Variants in RASSF5 observed in about 807,000 individuals in gnomAD.
RASSF5 encodes ras association domain-containing protein 5.
A neutral mutation model predicts 40.5 loss-of-function variants in RASSF5; 25 were observed. That is an observed-to-expected ratio of 0.62 (90% CI 0.45 to 0.86). RASSF5 has a LOEUF of 0.86. Among genes scored for constraint, RASSF5 ranks in the 40% least tolerant of loss-of-function variants. RASSF5 has a pLI of 0.00. For missense variants in RASSF5, 521 were observed against 572.8 expected (o/e 0.91, Z 0.92); for synonymous variants, 246 against 252.4 (o/e 0.97, Z 0.24).
At chr1:206,523,687 A>G (rs1165484957) in intron 1 of RASSF5, among the ~76,000 whole-genome samples, 1 of 82,966 alleles carries the variant, frequency 1.2e-5, no homozygotes, top group Non-Finnish European at 2.1e-5. Flanking sequence ...ATATAAATAT[A>G]TTATATATAA....
intron 2 of RASSF5, chr1:206,580,610 G>A (rs1668833953): frequency 6.6e-6 from 1 of 152,240 alleles, no homozygotes; most frequent in Non-Finnish European, 1.5e-5. Context: ...GAAAATGAGA[G>A]GCTTCACTGT....
At chr1:206,578,690 G>A (rs1455467073) in intron 2 of RASSF5, among the ~76,000 whole-genome samples, 4 of 152,126 alleles carry the variant, frequency 2.6e-5, no homozygotes, top group African/African-American at 9.7e-5. Flanking sequence ...TACTGCCGGT[G>A]GGACACACGT....
Position 206,507,636 on chromosome 1 carries a change from C to T in RASSF5, c.34C>T (p.Pro12Ser), listed in dbSNP as rs1553393920. ...AMASPAIGQRPYPLLLDPEPP... is the reference protein window; with the variant it reads ...AMASPAIGQRSYPLLLDPEPP... ...GGCGTCCCCGGCCATCGGGCAGCGCCCGTACCCGCTACTATTGGACCCCGA... is the reference window on the plus strand; with the variant it reads ...GGCGTCCCCGGCCATCGGGCAGCGCTCGTACCCGCTACTATTGGACCCCGA... Residue 12 changes from proline (P) to serine (S), a missense_variant, in exon 1 of 6, where the codon CCG becomes TCG. By Grantham distance (74) the Pro-to-Ser change is moderately conservative. Coordinates refer to ENST00000579436, the MANE Select transcript of RASSF5 (RefSeq NM_182663.4). 3.3e-6 allele frequency: 5 copies of T among 1,531,628 alleles called. No homozygotes were observed. In the South Asian group the frequency reaches 6.0e-5, roughly 18 times the overall value. The allele number at this position is 1,531,628 out of a possible 1,614,324, so 94.9% of individuals were successfully genotyped here. A position where few individuals can be genotyped will look rare whatever the true frequency, so the allele number is the denominator to read the frequency against.
intron 2 of RASSF5, among the ~76,000 whole-genome samples, chr1:206,562,793 C>T (rs1330676116): frequency 2.0e-5 from 3 of 151,996 alleles, no homozygotes; most frequent in African/African-American, 7.3e-5. Flanking sequence ...ATTAGCCAGG[C>T]GTGGTGGCAG....
At chr1:206,566,070 G>A (rs1274546390) in intron 2 of RASSF5, among the ~76,000 whole-genome samples, 1 of 152,196 alleles carries the variant, frequency 6.6e-6, no homozygotes, top group African/African-American at 2.4e-5. Flanking sequence ...AGGCAGCAGA[G>A]TGTTCATGCC....
At chr1:206,523,621 A>ATATATAAAATATATTATATATAATATATT (rs1666981342) in intron 1 of RASSF5, among the ~76,000 whole-genome samples, 1 of 102,792 alleles carries the variant, frequency 9.7e-6, no homozygotes, top group Non-Finnish European at 1.8e-5. Flanking sequence ...TATATATAAA[A>ATATATAAAATATATTATATATAATATATT]TATATAAAAT....
chr1:206,549,785 G>T (rs1489584943), intron 2 of RASSF5, among the ~76,000 whole-genome samples: 2 of 152,194 alleles, frequency 1.3e-5, no homozygotes, highest in African/African-American at 4.8e-5. Flanking sequence ...TCTACTCAGT[G>T]CCTAATAAAT....
chr1:206,564,308 G>T lies in RASSF5; in HGVS notation c.580-18961G>T, dbSNP rs76720927. 9.1e-3 allele frequency among the ~76,000 whole-genome samples: 1,381 copies of T among 152,160 alleles called. 16 individuals are homozygous for T. The highest frequency in any genetic ancestry group is 0.032 in the African/African-American group (1,314 of 41,492). The stretch of plus-strand genomic sequence containing the variant: ...CCTGGAACTCACCCAAGACATCCTT[G>T]TTCACACGCCGCTTAGTCCAGGCCA... On this transcript the variant is annotated intron_variant, in intron 2 of 5. Coordinates refer to ENST00000579436, the MANE Select transcript of RASSF5 (RefSeq NM_182663.4).
In RASSF5 at chr1:206,530,709, G is replaced by A. The variant is rs569089222; in HGVS notation, c.458-7463G>A. Among the ~76,000 whole-genome samples the A allele has an allele frequency of 8.5e-5, 13 of 152,382 alleles. No individual in the cohort carries two copies. In the South Asian group the frequency reaches 2.7e-3, roughly 32 times the overall value. ...GGGATGTTCCAGGGGGCCGGCAGAG[G>A]CTTCTCTGCCAAGTGGGGCAGGGTT... On this transcript the variant is annotated intron_variant, in intron 1 of 5. Transcript: ENST00000579436.
intron 2 of RASSF5, among the ~76,000 whole-genome samples, chr1:206,561,746 A>G (rs1475582167): frequency 6.8e-6 from 1 of 147,222 alleles, no homozygotes; most frequent in Non-Finnish European, 1.5e-5. Flanking sequence ...GCTCACTGCA[A>G]CCTCTGCCTC....
chr1:206,530,392 A>G (rs533290248), intron 1 of RASSF5, among the ~76,000 whole-genome samples: 3 of 152,314 alleles, frequency 2.0e-5, no homozygotes, highest in African/African-American at 7.2e-5. Flanking sequence ...AAATATAATT[A>G]TAACTAGTCT....
rs1558503523 is a variant in RASSF5, at chr1:206,535,720, GT to G, written c.458-2451del. Among the ~76,000 whole-genome samples, 55 of 66,360 alleles carry G rather than the reference GT, an allele frequency of 8.3e-4. No individual in the cohort carries two copies. The highest frequency in any genetic ancestry group is 1.9e-3 in the East Asian group (6 of 3,094). 43.5% of individuals were successfully genotyped at this position (66,360 alleles called of 152,430 possible). The stretch of plus-strand genomic sequence containing the variant: ...GTGTGTGTCTGTGTGTGTGTGGTGT[GT>G]GTGTGTGTGTGTGTGTGTGTGTGAG... On this transcript the variant is annotated intron_variant, in intron 1 of 5. Coordinates refer to ENST00000579436, the MANE Select transcript of RASSF5 (RefSeq NM_182663.4). The surrounding 1 kb of genome is among the most constrained non-coding windows in gnomAD (Gnocchi z 5.0).
At chr1:206,514,553 T>C (rs17046753) in intron 1 of RASSF5, among the ~76,000 whole-genome samples, 12,021 of 152,256 alleles carry the variant, frequency 0.079, 774 homozygotes, top group African/African-American at 0.18. Context: ...TCCTGTTTTT[T>C]GAACAAACAT....
chr1:206,566,156 A>G (rs1553403349), intron 2 of RASSF5, among the ~76,000 whole-genome samples: 1 of 152,170 alleles, frequency 6.6e-6, no homozygotes, highest in African/African-American at 2.4e-5. Context: ...AACATGTGAA[A>G]GGGGGTGAGC....
intron 2 of RASSF5, among the ~76,000 whole-genome samples, chr1:206,570,257 A>G (rs1668407208): frequency 6.6e-6 from 1 of 151,558 alleles, no homozygotes; most frequent in South Asian, 2.1e-4. Flanking sequence ...ACGCTTGGCT[A>G]ATTTTTTTGT....
chr1:206,559,956 T>TA (rs1380696179), intron 2 of RASSF5, among the ~76,000 whole-genome samples: 3 of 152,226 alleles, frequency 2.0e-5, no homozygotes, highest in Non-Finnish European at 2.9e-5. Flanking sequence ...GGTGCCTTTT[T>TA]ACCTTCAATG....
At chr1:206,574,130 A>G (rs1930435) in intron 2 of RASSF5, among the ~76,000 whole-genome samples, 127,040 of 152,248 alleles carry the variant, frequency 0.83, 53,164 homozygotes, top group East Asian at 1. Flanking sequence ...TCCCTGGTAT[A>G]ACCCACTCTA....
At chr1:206,523,399 AATATAAATATTAT>A (rs1666960173) in intron 1 of RASSF5, among the ~76,000 whole-genome samples, 1 of 101,036 alleles carries the variant, frequency 9.9e-6, no homozygotes, top group African/African-American at 3.4e-5. Context: ...ATTTAATATA[AATATAAATATTAT>A]ATATTATATA....
At chr1:206,573,733 C>T (rs1280789241) in intron 2 of RASSF5, among the ~76,000 whole-genome samples, 1 of 151,926 alleles carries the variant, frequency 6.6e-6, no homozygotes. Flanking sequence ...AGTAGCCAGG[C>T]GTAGTGGCTC....
Sources: gnomAD v4.1 joint callset for allele counts (sites outside exome capture counted in the v4.1 genomes callset) on GRCh38, gnomAD v4.1.1 for gene constraint, Gnocchi (gnomAD v3.1) non-coding constraint, MANE v1.5 for transcripts, NCBI Gene and HGNC (gene_info 2026-07-23, HGNC 2026-07-21) for gene names.